ADARB2: variants seen among roughly 807,000 people sequenced by gnomAD.
ADARB2 encodes inactive double-stranded RNA-specific editase B2.
Under a neutral mutation model 62.2 loss-of-function variants are expected in ADARB2, and 25 were observed. That is an observed-to-expected ratio of 0.40 (90% CI 0.29 to 0.56). The LOEUF is 0.56. Ranked by LOEUF, ADARB2 falls within the 20% of genes least tolerant of loss-of-function variation. The pLI is 0.43. For missense variants in ADARB2, 1,071 were observed against 1,077.4 expected, an observed-to-expected ratio of 0.99 and a Z score of 0.08; for synonymous variants, 572 against 500.8, an observed-to-expected ratio of 1.14 and a Z score of -1.90.
At chr10:1,669,443 GAC>G (rs1834353178) in intron 1 of ADARB2, among the ~76,000 whole-genome samples, 1 of 151,086 alleles carries the variant, frequency 6.6e-6, no homozygotes, top group South Asian at 2.1e-4. Flanking sequence ...GACACATGCA[GAC>G]ACACAAACAG....
At chr10:1,551,396 G>C (rs918726211) in intron 1 of ADARB2, among the ~76,000 whole-genome samples, 7 of 152,162 alleles carry the variant, frequency 4.6e-5, no homozygotes, top group African/African-American at 1.7e-4. Context: ...TGTTGTCCGG[G>C]CTGCCACAGT....
intron 3 of ADARB2, among the ~76,000 whole-genome samples, chr10:1,329,952 T>TTC (rs1831913441): frequency 7.2e-6 from 1 of 139,258 alleles, no homozygotes. Context: ...TTTTTTTTTT[T>TTC]TTCTCTTAAA....
Position 1,233,840 on chromosome 10 carries a change from C to A in ADARB2, c.1367G>T (p.Arg456Leu), listed in dbSNP as rs138937848. 1.2e-6 allele frequency: 2 copies of A among 1,613,430 alleles called. No individual in the cohort carries two copies. Among genetic ancestry groups the A allele is most frequent in the Non-Finnish European group, 1.7e-6 (2 of 1,179,712 alleles). ...YTQLELHLSKRREDSERSIFV... is the reference protein window; with the variant it reads ...YTQLELHLSKLREDSERSIFV... ...TATCGATCGCTCTGAGTCCTCGCGC[C>A]GCTTGCTAGGGTCACAAAGAGGTTT... The change falls in exon 6 of 10, where the codon CGG becomes CTG. Residue 456 changes from arginine (R) to leucine (L), a missense_variant. Transcript: ENST00000381312.
Position 1,488,272 on chromosome 10 carries a change from T to C in ADARB2, c.101-109112A>G, listed in dbSNP as rs542385111. Among the ~76,000 whole-genome samples the C allele has an allele frequency of 3.6e-4, 54 of 152,080 alleles. 1 individual carries two copies. Among genetic ancestry groups the C allele is most frequent in the Non-Finnish European group, 6.3e-4 (43 of 67,994 alleles). ...ACATCCTACAGTTGGCACTGCCTTT[T>C]AAAGCACATCCAAAAATGACCCACA... is the stretch of plus-strand genomic sequence containing the variant. On this transcript the variant is annotated intron_variant, in intron 1 of 9. Coordinates refer to ENST00000381312, the MANE Select transcript of ADARB2 (RefSeq NM_018702.4).
intron 1 of ADARB2, among the ~76,000 whole-genome samples, chr10:1,562,798 C>T (rs1412131317): frequency 2.0e-5 from 3 of 152,174 alleles, no homozygotes; most frequent in African/African-American, 7.2e-5. Context: ...CAGGCCTTTG[C>T]CCTTGCAGGG....
chr10:1,708,705 G>A (rs1159048056), intron 1 of ADARB2, among the ~76,000 whole-genome samples: 1 of 152,218 alleles, frequency 6.6e-6, no homozygotes, highest in Non-Finnish European at 1.5e-5. Context: ...TCTGTAAAAT[G>A]GGAATAGTAG....
At chr10:1,648,401 C>A (rs1396382377) in intron 1 of ADARB2, among the ~76,000 whole-genome samples, 1 of 152,142 alleles carries the variant, frequency 6.6e-6, no homozygotes, top group Non-Finnish European at 1.5e-5. Context: ...TCCCCAGGAC[C>A]CTTCATAAAC....
intron 1 of ADARB2, among the ~76,000 whole-genome samples, chr10:1,528,547 A>C (rs1211092092): frequency 6.6e-6 from 1 of 152,284 alleles, no homozygotes; most frequent in African/African-American, 2.4e-5. Context: ...ATAGAATTTC[A>C]CGTTACTTGT....
intron 1 of ADARB2, among the ~76,000 whole-genome samples, chr10:1,402,608 G>A (rs979400117): frequency 6.6e-6 from 1 of 152,090 alleles, no homozygotes; most frequent in Non-Finnish European, 1.5e-5. Flanking sequence ...TCATCGAGTC[G>A]GAGGCGGCCC....
chr10:1,223,578 T>C (rs867078753), intron 6 of ADARB2, among the ~76,000 whole-genome samples: 4 of 152,218 alleles, frequency 2.6e-5, no homozygotes, highest in Non-Finnish European at 5.9e-5. Flanking sequence ...ATAGCTCTTA[T>C]TATTTTCAGA....
chr10:1,381,801 A>G (rs1038852036), intron 1 of ADARB2, among the ~76,000 whole-genome samples: 9 of 152,346 alleles, frequency 5.9e-5, no homozygotes, highest in African/African-American at 2.2e-4. Context: ...GAATTCACCG[A>G]AGCAGAGAGC....
At chr10:1,186,881 C>T (rs537258088) in intron 8 of ADARB2, among the ~76,000 whole-genome samples, 18 of 152,366 alleles carry the variant, frequency 1.2e-4, no homozygotes, top group Admixed American at 7.2e-4. Flanking sequence ...GCTGTCCCCA[C>T]GTCACGTGGT....
chr10:1,702,633 G>T (rs79314522), intron 1 of ADARB2, among the ~76,000 whole-genome samples: 4,494 of 152,242 alleles, frequency 0.03, 229 homozygotes, highest in African/African-American at 0.1. Flanking sequence ...GAACTCCAGT[G>T]ACCCTGCTTT....
intron 1 of ADARB2, among the ~76,000 whole-genome samples, chr10:1,589,277 G>A (rs80322277): frequency 6.6e-6 from 1 of 152,240 alleles, no homozygotes; most frequent in South Asian, 2.1e-4. Flanking sequence ...GCCTCCAGGG[G>A]AGAACGTATG....
At chr10:1,672,484 C>T (rs1031084453) in intron 1 of ADARB2, among the ~76,000 whole-genome samples, 1 of 152,238 alleles carries the variant, frequency 6.6e-6, no homozygotes, top group Non-Finnish European at 1.5e-5. Context: ...AGGTCCACCT[C>T]TGACGGATGC....
At position 1,188,844 on chromosome 10, in the gene ADARB2, A is replaced by G. The variant is rs139516464; in HGVS notation, c.1865-3805T>C. ...AGGTTTGCCGTTAATGACTCTTTCC[A>G]TGGAACAGATCCCTTATGGTGAGAG... On this transcript the variant is annotated intron_variant, in intron 8 of 9. Coordinates refer to ENST00000381312, the MANE Select transcript of ADARB2 (RefSeq NM_018702.4). Among the ~76,000 whole-genome samples the G allele has an allele frequency of 3.2e-4, 48 of 152,284 alleles. 1 individual carries two copies. The East Asian group carries it at 9.3e-3, about 29-fold the overall frequency.
chr10:1,305,792 A>G (rs1831621352), intron 3 of ADARB2, among the ~76,000 whole-genome samples: 1 of 152,232 alleles, frequency 6.6e-6, no homozygotes, highest in African/African-American at 2.4e-5. Context: ...ACAGAGCCAA[A>G]GACAAACACC....
chr10:1,655,946 C>A (rs764105703), intron 1 of ADARB2, among the ~76,000 whole-genome samples: 1 of 152,150 alleles, frequency 6.6e-6, no homozygotes, highest in Non-Finnish European at 1.5e-5. Flanking sequence ...TTGAAGTAAG[C>A]TGTGGGTTTT....
At chr10:1,262,465 A>T (rs1006000183) in intron 4 of ADARB2, among the ~76,000 whole-genome samples, 1 of 152,146 alleles carries the variant, frequency 6.6e-6, no homozygotes, top group Non-Finnish European at 1.5e-5. Flanking sequence ...CCCATGAAAA[A>T]GTGGGCGAAG....
Sources: allele counts gnomAD v4.1 joint callset (sites outside exome capture counted in the v4.1 genomes callset), GRCh38; gene constraint gnomAD v4.1.1; transcripts MANE v1.5; gene names NCBI Gene and HGNC (gene_info 2026-07-23, HGNC 2026-07-21).